KRABD4: variants seen among roughly 807,000 people sequenced by gnomAD.
KRABD4 encodes the protein KRAB domain containing 4.
the KRABD4 span, among the ~76,000 whole-genome samples, chrX:46,459,144 C>T: frequency 9.1e-6 from 1 of 109,910 alleles, no homozygotes; most frequent in African/African-American, 3.3e-5. Context: ...GAAACCCTGT[C>T]TCTACTAAAA....
chrX:46,472,727 A>G, the KRABD4 span: 15 of 1,200,454 alleles, frequency 1.2e-5, no homozygotes, highest in Non-Finnish European at 9.0e-6. Flanking sequence ...AACAAGTTTG[A>G]TGATTCATTC....
chrX:46,473,488 T>A, the KRABD4 span: 2 of 878,345 alleles, frequency 2.3e-6, no homozygotes, highest in Non-Finnish European at 3.2e-6. Flanking sequence ...ATAATTCATA[T>A]GGGAGAAACC....
chrX:46,451,142 T>C, the KRABD4 span, among the ~76,000 whole-genome samples: 3 of 112,050 alleles, frequency 2.7e-5, no homozygotes, highest in Non-Finnish European at 5.6e-5. Flanking sequence ...ATATTTATGA[T>C]AATAAGTTTG....
chrX:46,464,663 A>G, the KRABD4 span, among the ~76,000 whole-genome samples: 10 of 112,080 alleles, frequency 8.9e-5, no homozygotes, highest in Non-Finnish European at 1.3e-4. Flanking sequence ...TTAGAGATTC[A>G]TCAGGATTTC....
chrX:46,463,331 G>A, the KRABD4 span: 26 of 1,189,864 alleles, frequency 2.2e-5, no homozygotes, highest in African/African-American at 3.5e-5. Flanking sequence ...GGGGAAAGGA[G>A]ACCAGGTTGG....
chrX:46,457,857 T>A, the KRABD4 span, among the ~76,000 whole-genome samples: 6 of 110,174 alleles, frequency 5.4e-5, no homozygotes, highest in Admixed American at 4.9e-4. Flanking sequence ...ATTCTCCCGC[T>A]CAGCCTCCCA....
the KRABD4 span, chrX:46,450,422 C>T: frequency 8.5e-7 from 1 of 1,181,781 alleles, no homozygotes; most frequent in South Asian, 1.8e-5. Context: ...CCTAATTTTG[C>T]CTTTATAGAT....
At chrX:46,460,431 A>AT in the KRABD4 span, among the ~76,000 whole-genome samples, 2 of 107,384 alleles carry the variant, frequency 1.9e-5, no homozygotes, top group Non-Finnish European at 3.9e-5. Flanking sequence ...AAAAAAAAAA[A>AT]GCTGGGGGCA....
chrX:46,465,428 A>G, the KRABD4 span, among the ~76,000 whole-genome samples: 2 of 112,934 alleles, frequency 1.8e-5, no homozygotes, highest in Non-Finnish European at 3.7e-5. Flanking sequence ...TTCCCTCACT[A>G]GCTATCACTG....
At chrX:46,455,111 T>A in the KRABD4 span, 1 of 564,309 alleles carries the variant, frequency 1.8e-6, no homozygotes, top group African/African-American at 2.3e-5. Flanking sequence ...GAATTACTTG[T>A]GGGTTCCACT....
chrX:46,449,529 A>G, the KRABD4 span, among the ~76,000 whole-genome samples: 1 of 112,618 alleles, frequency 8.9e-6, no homozygotes, highest in Non-Finnish European at 1.9e-5. Context: ...TCACCACTCA[A>G]AAGTAACCAA....
the KRABD4 span, among the ~76,000 whole-genome samples, chrX:46,459,822 C>A: frequency 8.9e-6 from 1 of 111,968 alleles, no homozygotes; most frequent in Non-Finnish European, 1.9e-5. Context: ...ACACTTCTGA[C>A]ACCATATGTA....
the KRABD4 span, chrX:46,457,216 C>A: frequency 4.4e-6 from 1 of 225,072 alleles, no homozygotes; most frequent in Non-Finnish European, 8.3e-6. Context: ...TGCCATGCCA[C>A]CCACTTCAGC....
At chrX:46,467,920 T>C in the KRABD4 span, among the ~76,000 whole-genome samples, 1 of 112,273 alleles carries the variant, frequency 8.9e-6, no homozygotes, top group Non-Finnish European at 1.9e-5. Context: ...CAAATGTTTC[T>C]GTTTTTATAA....
the KRABD4 span, chrX:46,472,693 C>G: frequency 5.3e-6 from 6 of 1,140,911 alleles, no homozygotes; most frequent in Admixed American, 1.2e-4. Context: ...AATGTTATTC[C>G]ATAACATTCT....
At chrX:46,468,000 A>G in the KRABD4 span, among the ~76,000 whole-genome samples, 1 of 111,210 alleles carries the variant, frequency 9.0e-6, no homozygotes, top group Admixed American at 9.6e-5. Flanking sequence ...TCTCTCACCA[A>G]CCCCGGGTAA....
the KRABD4 span, chrX:46,463,117 C>A: frequency 9.4e-7 from 1 of 1,066,961 alleles, no homozygotes; most frequent in Admixed American, 2.3e-5. Context: ...GGGGCCATCA[C>A]CTTCAGCCTG....
chrX:46,457,623 GT>G, the KRABD4 span, among the ~76,000 whole-genome samples: 588 of 75,270 alleles, frequency 7.8e-3, 2 homozygotes, highest in African/African-American at 0.022. Context: ...GCCTTTCAGA[GT>G]TTTTTTTTTT....
the KRABD4 span, among the ~76,000 whole-genome samples, chrX:46,463,692 T>C: frequency 1.8e-5 from 2 of 111,898 alleles, no homozygotes; most frequent in East Asian, 2.8e-4. Context: ...GTCAGCATTT[T>C]CTCTTTATTG....
Sources: gnomAD v4.1 joint callset for allele counts (sites outside exome capture counted in the v4.1 genomes callset) on GRCh38, gnomAD v4.1.1 for gene constraint, MANE v1.5 for transcripts, NCBI Gene and HGNC (gene_info 2026-07-23, HGNC 2026-07-21) for gene names.